The following EPHB1 variants were observed in gnomAD, a reference collection of about 807,000 sequenced individuals.
EPHB1 encodes ephrin type-B receptor 1.
EPHB1 carries 30 observed loss-of-function variants against 94.4 expected under a neutral mutation model. That is an observed-to-expected ratio of 0.32 (90% CI 0.24 to 0.43). The LOEUF is 0.43. Ranked by LOEUF, EPHB1 falls within the 20% of genes least tolerant of loss-of-function variation. The pLI, the probability that EPHB1 is intolerant of heterozygous loss-of-function variation, is 1.00. For missense variants in EPHB1, 1,055 were observed against 1,308.3 expected (o/e 0.81, Z 2.99); for synonymous variants, 522 against 489.1 (o/e 1.07, Z -0.89).
At chr3:134,834,797 T>C (rs368770644) in intron 1 of EPHB1, among the ~76,000 whole-genome samples, 8 of 152,312 alleles carry the variant, frequency 5.3e-5, no homozygotes, top group African/African-American at 1.9e-4. Context: ...CTGTGATTAA[T>C]AGACATAATC....
rs142129848 is a variant in EPHB1 at position 135,046,450 on chromosome 3, A to C, written c.806-59998A>C. Among the ~76,000 whole-genome samples, 581 of 151,846 alleles carry C rather than the reference A, an allele frequency of 3.8e-3. 8 individuals carry two copies. The highest frequency in any genetic ancestry group is 0.014 in the African/African-American group (565 of 41,120). On this transcript the variant is annotated intron_variant, in intron 3 of 15. Transcript: ENST00000398015. ...TAATGAATGGGATAATGCATGTTTG[A>C]TCGTCTTAACATCTATAAAAATTCC...
At chr3:134,870,433 G>A (rs1243883891) in intron 1 of EPHB1, among the ~76,000 whole-genome samples, 1 of 152,200 alleles carries the variant, frequency 6.6e-6, no homozygotes, top group African/African-American at 2.4e-5. Flanking sequence ...GCAGGAAGTA[G>A]CCCCAGTTCA....
intron 3 of EPHB1, among the ~76,000 whole-genome samples, chr3:135,005,215 G>A (rs1458061749): frequency 6.6e-6 from 1 of 152,202 alleles, no homozygotes; most frequent in Admixed American, 6.5e-5. Context: ...GGAGTACCCT[G>A]CAGTGTGAAG....
intron 11 of EPHB1, among the ~76,000 whole-genome samples, chr3:135,198,743 A>G (rs1377678048): frequency 1.3e-5 from 2 of 152,242 alleles, no homozygotes; most frequent in African/African-American, 4.8e-5. Context: ...CTACCGTCTT[A>G]GGATACACAA....
chr3:135,148,896 T>G (rs1226341570), intron 5 of EPHB1, among the ~76,000 whole-genome samples: 1 of 152,210 alleles, frequency 6.6e-6, no homozygotes, highest in Non-Finnish European at 1.5e-5. Flanking sequence ...ACAAGGCCTT[T>G]TATTGTTGGC....
At chr3:134,859,496 G>A (rs1208624693) in intron 1 of EPHB1, among the ~76,000 whole-genome samples, 3 of 152,166 alleles carry the variant, frequency 2.0e-5, no homozygotes, top group African/African-American at 7.2e-5. Context: ...GGGATCTCTA[G>A]AGGGTTCATC....
At chr3:134,918,102 C>T (rs1039106203) in intron 1 of EPHB1, among the ~76,000 whole-genome samples, 1 of 152,186 alleles carries the variant, frequency 6.6e-6, no homozygotes, top group African/African-American at 2.4e-5. Flanking sequence ...GAAGTCACAG[C>T]TCTGTGCTCT....
chr3:135,042,859 TGAGACA>T (rs890155035), intron 3 of EPHB1, among the ~76,000 whole-genome samples: 2 of 152,148 alleles, frequency 1.3e-5, no homozygotes, highest in African/African-American at 4.8e-5. Context: ...TTATTTTTTT[TGAGACA>T]GAGTCTCCGT....
At chr3:134,997,079 A>G (rs1296853736) in intron 3 of EPHB1, among the ~76,000 whole-genome samples, 1 of 152,158 alleles carries the variant, frequency 6.6e-6, no homozygotes, top group East Asian at 1.9e-4. Flanking sequence ...TTAAGTATTT[A>G]ATCCAGCAGG....
intron 3 of EPHB1, among the ~76,000 whole-genome samples, chr3:134,955,761 T>C (rs956586655): frequency 2.4e-4 from 36 of 152,224 alleles, no homozygotes; most frequent in African/African-American, 8.0e-4. Context: ...CAGAGTCACA[T>C]TGGCCTGCTG....
chr3:135,055,046 C>T (rs750548457), intron 3 of EPHB1, among the ~76,000 whole-genome samples: 21 of 152,280 alleles, frequency 1.4e-4, no homozygotes, highest in Non-Finnish European at 2.4e-4. Flanking sequence ...GGTCTATTTA[C>T]TTTAACTTGT....
At chr3:134,986,290 A>G (rs1387956131) in intron 3 of EPHB1, among the ~76,000 whole-genome samples, 1 of 152,194 alleles carries the variant, frequency 6.6e-6, no homozygotes, top group Non-Finnish European at 1.5e-5. Flanking sequence ...CAGTGAATTT[A>G]TCAAGGGTGG....
chr3:135,033,295 T>A (rs1028614040), intron 3 of EPHB1, among the ~76,000 whole-genome samples: 2 of 152,170 alleles, frequency 1.3e-5, no homozygotes, highest in African/African-American at 4.8e-5. Context: ...ATGGTCATCC[T>A]GAAGAAAGGG....
At chr3:134,796,590 C>A (rs1236707944) in intron 1 of EPHB1, among the ~76,000 whole-genome samples, 1 of 152,236 alleles carries the variant, frequency 6.6e-6, no homozygotes, top group Non-Finnish European at 1.5e-5. Flanking sequence ...CGGTAGCGCT[C>A]GCGAATCCCT....
At chr3:134,934,675 T>TTG (rs941053614) in intron 2 of EPHB1, among the ~76,000 whole-genome samples, 9 of 151,724 alleles carry the variant, frequency 5.9e-5, no homozygotes, top group Non-Finnish European at 8.8e-5. Context: ...GGATATGACT[T>TTG]TGTGTGTGTG....
chr3:134,865,665 A>AAAAG (rs1251596559), intron 1 of EPHB1, among the ~76,000 whole-genome samples: 1 of 151,950 alleles, frequency 6.6e-6, no homozygotes, highest in Admixed American at 6.6e-5. Context: ...AAAAAAAAAA[A>AAAAG]AAAGAAAGAA....
chr3:134,816,591 T>C (rs2036278129), intron 1 of EPHB1, among the ~76,000 whole-genome samples: 1 of 152,156 alleles, frequency 6.6e-6, no homozygotes, highest in Admixed American at 6.5e-5. Context: ...TGGTAGTTAT[T>C]AGTATTGTCA....
chr3:135,000,731 A>T (rs1241190679), intron 3 of EPHB1, among the ~76,000 whole-genome samples: 1 of 152,200 alleles, frequency 6.6e-6, no homozygotes, highest in Non-Finnish European at 1.5e-5. Context: ...GTGTATGCAC[A>T]TCAATTACAC....
chr3:135,252,088 A>T (rs1354162726), intron 15 of EPHB1, among the ~76,000 whole-genome samples: 2 of 152,078 alleles, frequency 1.3e-5, no homozygotes, highest in Admixed American at 1.3e-4. Flanking sequence ...GGTTAATGGA[A>T]TGGCACATGC....
Sources: gnomAD v4.1 joint callset for allele counts (sites outside exome capture counted in the v4.1 genomes callset) on GRCh38, gnomAD v4.1.1 for gene constraint, MANE v1.5 for transcripts, NCBI Gene and HGNC (gene_info 2026-07-23, HGNC 2026-07-21) for gene names.